The following CYP27B1 variants were observed in gnomAD, a reference collection of about 807,000 sequenced individuals.
The protein encoded by CYP27B1 is cytochrome P450 family 27 subfamily B member 1.
A neutral mutation model predicts 54.8 loss-of-function variants in CYP27B1; 46 were observed. The observed-to-expected ratio is 0.84, with a 90% CI of 0.66 to 1.07. CYP27B1 has a LOEUF of 1.07. Among genes scored for constraint, CYP27B1 ranks in the 50% least tolerant of loss-of-function variants. CYP27B1 has a pLI of 0.00. For missense variants in CYP27B1, 674 were observed against 692.2 expected (o/e 0.97, Z 0.30); for synonymous variants, 292 against 297.3 (o/e 0.98, Z 0.18).
In CYP27B1 at chr12:57,763,060, G is replaced by C; in HGVS notation, c.*82C>G. On this transcript the variant is annotated 3_prime_UTR_variant, in exon 9 of 9. Coordinates refer to ENST00000228606, the MANE Select transcript of CYP27B1 (RefSeq NM_000785.4). ...GGTCAGATAGGCATTAGGGGAAGAT[G>C]TATACCTTGGTCTTGTGCCTACAAA... 1 of 959,186 alleles carries C rather than the reference G, an allele frequency of 1.0e-6. No homozygotes were observed. The highest frequency in any genetic ancestry group is 2.0e-5 in the Admixed American group (1 of 51,032). The allele number at this position is 959,186 out of a possible 1,614,324, so 59.4% of individuals were successfully genotyped here.
rs1301904312 is a variant in CYP27B1 at position 57,764,399 on chromosome 12, G to A, written c.1115C>T (p.Ala372Val). 5 of 1,614,100 alleles carry A rather than the reference G, an allele frequency of 3.1e-6. No individual in the cohort carries two copies. The highest frequency in any genetic ancestry group is 2.2e-5 in the South Asian group (2 of 91,082). ...TCACCTTAGCACTTCCTTGACCACC[G>A]CCTTCAGCAGGGGCAGCTGGGACAG... ...TVLSQLPLLK[A>V]VVKEVLRLYP... The change falls in exon 6 of 9, where the codon GCG becomes GTG. Residue 372 changes from alanine to valine, a missense_variant. Coordinates refer to ENST00000228606, the MANE Select transcript of CYP27B1 (RefSeq NM_000785.4).
Position 57,762,809 on chromosome 12 carries a change from C to T in CYP27B1, c.*333G>A, listed in dbSNP as rs1955328888. The stretch of plus-strand genomic sequence containing the variant: ...ATGCTTAGCCAGCAGCATCAATGAA[C>T]ACTATGAAAGCCCAAAAAGAGAGGC... On this transcript the variant is annotated 3_prime_UTR_variant, in exon 9 of 9. Transcript: ENST00000228606. The T allele has an allele frequency of 5.5e-6, 2 of 363,192 alleles. No homozygotes were observed. Among genetic ancestry groups the T allele is most frequent in the Non-Finnish European group, 1.1e-5 (2 of 186,634 alleles). The allele number at this position is 363,192 out of a possible 1,614,324, so 22.5% of individuals were successfully genotyped here.
Position 57,764,755 on chromosome 12 carries a change from G to A in CYP27B1, c.962C>T (p.Thr321Met). The change falls in exon 5 of 9, where the codon ACG (threonine) becomes ATG (methionine). Residue 321 changes from threonine to methionine, a missense_variant and splice_region_variant. Transcript: ENST00000228606. ...CACAGCACGGAGGGAGAACCTCACCGTGTCCACTCCCGCCAATAGCAACTC... is the reference window on the plus strand; with the variant it reads ...CACAGCACGGAGGGAGAACCTCACCATGTCCACTCCCGCCAATAGCAACTC... ...VTELLLAGVD[T>M]VSNTLSWALY... 2.5e-6 allele frequency: 4 copies of A among 1,614,066 alleles called. No homozygotes were observed. The highest frequency in any genetic ancestry group is 3.4e-6 in the Non-Finnish European group (4 of 1,180,000).
rs746773160 is a variant in CYP27B1, at chr12:57,763,166, G to T, written c.1503C>A (p.Ile501=). Residue 501 remains isoleucine, a synonymous_variant, in exon 9 of 9, where the codon ATC becomes ATA. Coordinates refer to ENST00000228606, the MANE Select transcript of CYP27B1 (RefSeq NM_000785.4). ...ACTATCTGTCCAAAAACTGTAGGTTGATGCTCCTTTCAGGTACCAGGACAG... is the reference window on the plus strand; with the variant it reads ...ACTATCTGTCCAAAAACTGTAGGTTTATGCTCCTTTCAGGTACCAGGACAG... ...TRTVLVPERS[I]NLQFLDR 6.2e-7 allele frequency: 1 copy of T among 1,613,778 alleles called. No individual in the cohort carries two copies. Among genetic ancestry groups the T allele is most frequent in the African/African-American group, 1.3e-5 (1 of 75,060 alleles).
intron 6 of CYP27B1, 29 bp from the exon 7 acceptor site, chr12:57,764,205 A>G (rs4646536): frequency 0.35 from 553,777 of 1,594,334 alleles, 102,530 homozygotes; most frequent in East Asian, 0.7. Context: ...AATGGAGACA[A>G]CAAGATGAGG....
Position 57,765,922 on chromosome 12 carries a change from T to C in CYP27B1, c.386+85A>G. On this transcript the variant is annotated intron_variant, in intron 2 of 8. Transcript: ENST00000228606. This position sits in a 1 kb window ranked among gnomAD's most constrained non-coding sequence, Gnocchi z 5.8. ...GAGTGGGACAGCCGACCTCCCACCA[T>C]GCCCCCAGATTGATAGTTTCGGGAC... 1 of 1,454,838 alleles carries C rather than the reference T, an allele frequency of 6.9e-7. No homozygotes were observed. The highest frequency in any genetic ancestry group is 1.4e-5 in the South Asian group (1 of 71,668). The allele number at this position is 1,454,838 out of a possible 1,614,324, so 90.1% of individuals were successfully genotyped here.
Position 57,764,696 on chromosome 12 carries a change from C to T in CYP27B1, c.963+58G>A, listed in dbSNP as rs540413616. The T allele has an allele frequency of 2.9e-4, 468 of 1,609,864 alleles. 2 individuals carry two copies. The South Asian group carries it at 4.8e-3, about 17-fold the overall frequency. ...ATCCCCTGCAACAGAAAAATGGAGCCGGAGTCTGCGGAGGCTAAGCCCTGG... is the reference window on the plus strand; with the variant it reads ...ATCCCCTGCAACAGAAAAATGGAGCTGGAGTCTGCGGAGGCTAAGCCCTGG... On this transcript the variant is annotated intron_variant, in intron 5 of 8. Coordinates refer to ENST00000228606, the MANE Select transcript of CYP27B1 (RefSeq NM_000785.4).
intron 1 of CYP27B1, 22 bp from the exon 2 acceptor site, chr12:57,766,219 A>C (rs1955359760): frequency 6.6e-7 from 1 of 1,517,462 alleles, no homozygotes; most frequent in Non-Finnish European, 8.9e-7. Flanking sequence ...GACACAGCGG[A>C]CACTTGGATA....
In CYP27B1 at chr12:57,763,818, A is replaced by AG. The variant is rs1955337658; in HGVS notation, c.1216-11dup. 6.2e-7 allele frequency: 1 copy of AG among 1,613,802 alleles called. No individual in the cohort carries two copies. The highest frequency in any genetic ancestry group is 1.1e-5 in the South Asian group (1 of 91,074). On this transcript the variant is annotated splice_polypyrimidine_tract_variant and intron_variant, in intron 7 of 8. Transcript: ENST00000228606. ...ACAGAGTGACCAGCGTCTGGTGCAA[A>AG]GGAAAACAAACTTGTCAGTTTGGGC...
intron 7 of CYP27B1, 108 bp from the exon 8 acceptor site, chr12:57,763,916 A>G (rs1955338098): frequency 8.2e-7 from 1 of 1,215,892 alleles, no homozygotes; most frequent in Non-Finnish European, 1.2e-6. Flanking sequence ...GTGATGGGGA[A>G]GTTTTCTGGG....
At chr12:57,764,714 A>G in intron 5 of CYP27B1, 40 bp downstream of exon 5, 1 of 1,613,432 alleles carries the variant, frequency 6.2e-7, no homozygotes, top group East Asian at 2.2e-5. Context: ...GCGGAGGCTA[A>G]GCCCTGGAAC....
rs1955342877 is a variant in CYP27B1 at position 57,764,538 on chromosome 12, G to A, written c.976C>T (p.Leu326Phe). The A allele has an allele frequency of 6.2e-7, 1 of 1,614,132 alleles. No individual in the cohort carries two copies. Among genetic ancestry groups the A allele is most frequent in the Non-Finnish European group, 8.5e-7 (1 of 1,180,046 alleles). ...GAGAGCTCATACAGAGCCCAAGAGA[G>A]CGTGTTGGACACCTGAAAAACATGT... ...LAGVDTVSNT[L>F]SWALYELSRH... Residue 326 changes from leucine (L) to phenylalanine (F), a missense_variant, in exon 6 of 9, where the codon CTC becomes TTC. Transcript: ENST00000228606.
At chr12:57,763,342 T>C in intron 8 of CYP27B1, 87 bp from the exon 9 acceptor site, 1 of 1,027,784 alleles carries the variant, frequency 9.7e-7, no homozygotes, top group Non-Finnish European at 1.5e-6. Context: ...AGGGCATGCA[T>C]TATTAGTGTT....
chr12:57,763,307 G>T, intron 8 of CYP27B1, 52 bp from the exon 9 acceptor site: 1 of 1,333,340 alleles, frequency 7.5e-7, no homozygotes, highest in Non-Finnish European at 1.1e-6. Flanking sequence ...ATAATGGGGG[G>T]ATTCATTGGT....
chr12:57,763,499 C>T, intron 8 of CYP27B1, 112 bp downstream of exon 8: 2 of 1,029,882 alleles, frequency 1.9e-6, no homozygotes, highest in East Asian at 2.4e-5. Context: ...TCAGAAGATT[C>T]ATTCTACCAG....
Position 57,764,626 on chromosome 12 carries a change from G to C in CYP27B1, c.964-76C>G, listed in dbSNP as rs768815155. 7 of 1,591,524 alleles carry C rather than the reference G, an allele frequency of 4.4e-6. No homozygotes were observed. In the South Asian group the frequency reaches 7.7e-5, roughly 18 times the overall value. ...AGGGTGCAGATTATGGAAGAGTCTG[G>C]GGCTACAGGGTGCTAAGCCAAGCTG... On this transcript the variant is annotated intron_variant, in intron 5 of 8. Transcript: ENST00000228606.
chr12:57,765,230 C>CTT lies in CYP27B1; in HGVS notation c.590-20_590-19insAA. The CTT allele has an allele frequency of 1.2e-6, 2 of 1,611,516 alleles. No homozygotes were observed. Among genetic ancestry groups the CTT allele is most frequent in the Non-Finnish European group, 1.7e-6 (2 of 1,179,100 alleles). On this transcript the variant is annotated intron_variant, in intron 3 of 8. Transcript: ENST00000228606. The surrounding 1 kb of genome is among the most constrained non-coding windows in gnomAD (Gnocchi z 5.8). ...GCGATGCCTTGTCGGGAGGGGGCGC[C>CTT]GTCAGGGTTCCGGGAGGCTCTGGTA...
In CYP27B1 at chr12:57,767,028, A is replaced by G; in HGVS notation, c.14T>C (p.Leu5Pro). 6.2e-7 allele frequency: 1 copy of G among 1,614,132 alleles called. No individual in the cohort carries two copies. The change falls in exon 1 of 9, where the codon CTC becomes CCC. Residue 5 changes from leucine to proline, a missense_variant. Leu to Pro is a moderately conservative substitution (Grantham distance 98, BLOSUM62 -3). Coordinates refer to ENST00000228606, the MANE Select transcript of CYP27B1 (RefSeq NM_000785.4). Reference sequence around the variant, plus strand: ...ATGGAACACTCTGGAGGCGTACTTGAGGGTCTGGGTCATGGTCTGGTTCAG... The same window carrying G: ...ATGGAACACTCTGGAGGCGTACTTGGGGGTCTGGGTCATGGTCTGGTTCAG... Reference protein sequence around the residue: MTQTLKYASRVFHRV... With the variant: MTQTPKYASRVFHRV...
chr12:57,765,047 G>C lies in CYP27B1; in HGVS notation c.754C>G (p.Arg252Gly). ...ATCTGGTCCCAGTCTCGGCAGAGGC[G>C]GCCCCAGGGCCCAGGCACAAGGTGG... ...LRHLVPGPWG[R>G]LCRDWDQMFA... is the part of the protein sequence containing the mutation. The change falls in exon 4 of 9, where the codon CGC (arginine) becomes GGC (glycine). Residue 252 changes from arginine (R) to glycine (G), a missense_variant. Arg to Gly is a moderately radical substitution (Grantham distance 125, BLOSUM62 -2). Coordinates refer to ENST00000228606, the MANE Select transcript of CYP27B1 (RefSeq NM_000785.4). The surrounding 1 kb of genome is among the most constrained non-coding windows in gnomAD (Gnocchi z 5.8). 6.2e-7 allele frequency: 1 copy of C among 1,613,774 alleles called. No individual in the cohort carries two copies. The highest frequency in any genetic ancestry group is 8.5e-7 in the Non-Finnish European group (1 of 1,180,040).
Sources: gnomAD v4.1 joint callset for allele counts on GRCh38, gnomAD v4.1.1 for gene constraint, Gnocchi (gnomAD v3.1) non-coding constraint, MANE v1.5 for transcripts, NCBI Gene and HGNC (gene_info 2026-07-23, HGNC 2026-07-21) for gene names.